The following DMKN variants were observed in gnomAD, a reference collection of about 807,000 sequenced individuals.
DMKN encodes the protein epidermis-specific secreted protein SK30/SK89.
DMKN carries 58 observed loss-of-function variants against 67.6 expected under a neutral mutation model. That is an observed-to-expected ratio of 0.86 (90% CI 0.69 to 1.07). DMKN has a LOEUF of 1.07. Among genes scored for constraint, DMKN ranks in the 50% least tolerant of loss-of-function variants. The pLI, the probability that DMKN is intolerant of heterozygous loss-of-function variation, is 0.00. For missense variants in DMKN, 596 were observed against 601.5 expected (o/e 0.99, Z 0.10); for synonymous variants, 240 against 232.3 (o/e 1.03, Z -0.30).
intron 12 of DMKN, 120 bp downstream of exon 12, chr19:35,500,413 C>T (rs2068156029): frequency 2.6e-6 from 4 of 1,552,150 alleles, no homozygotes; most frequent in Non-Finnish European, 3.5e-6. Context: ...TGCCATCCTG[C>T]ACCCGGCTGA....
Position 35,497,340 on chromosome 19 carries a change from T to A in DMKN, c.*199A>T, listed in dbSNP as rs945879139. The A allele has an allele frequency of 2.0e-4, 31 of 152,144 alleles. No homozygotes were observed. Among genetic ancestry groups the A allele is most frequent in the African/African-American group, 7.2e-4 (30 of 41,420 alleles). 9.4% of individuals were successfully genotyped at this position (152,144 alleles called of 1,614,324 possible). A position where few individuals can be genotyped will look rare whatever the true frequency, so the allele number is the denominator to read the frequency against. On this transcript the variant is annotated 3_prime_UTR_variant, in exon 16 of 16. Transcript: ENST00000339686. ...AAAGGGAGGAGGTACAGAAAGATGC[T>A]GGTGTATGTGACGAGGCTGGTGGCC...
chr19:35,498,732 C>T lies in DMKN; in HGVS notation c.1415G>A (p.Trp472Ter). The change falls in exon 15 of 16, where the codon TGG becomes TAG. Residue 472 changes from tryptophan to a stop codon, truncating the protein, a stop_gained. Coordinates refer to ENST00000339686, the MANE Select transcript of DMKN (RefSeq NM_033317.5). LOFTEE classifies it high-confidence loss of function. ...ASRVQPGLLQ[W>*]VKFW ...GACACTCACCTACCAAAACTTCACC[C>T]ACTGCAGCAGGCCAGGTTGCACCCG... The T allele has an allele frequency of 6.2e-7, 1 of 1,614,142 alleles. No individual in the cohort carries two copies. Among genetic ancestry groups the T allele is most frequent in the Non-Finnish European group, 8.5e-7 (1 of 1,180,028 alleles).
chr19:35,505,953 C>G lies in DMKN; in HGVS notation c.1072G>C (p.Asp358His). 6.2e-7 allele frequency: 1 copy of G among 1,614,070 alleles called. No homozygotes were observed. The change falls in exon 8 of 16, where the codon GAC becomes CAC. Residue 358 changes from aspartate (D) to histidine (H), a missense_variant. Coordinates refer to ENST00000339686, the MANE Select transcript of DMKN (RefSeq NM_033317.5). ...SETSPGMFNF[D>H]TFWKNFKSKL... ...GCAGAACTCACCTTCCAGAAAGTGT[C>G]AAAGTTAAACATCCCAGGAGACGTC...
chr19:35,512,243 GT>G (rs1044540633), intron 3 of DMKN, among the ~76,000 whole-genome samples, 177 bp downstream of exon 3: 5 of 151,826 alleles, frequency 3.3e-5, no homozygotes, highest in African/African-American at 1.2e-4. Flanking sequence ...GGTGATCCAC[GT>G]GCCTTGGCCT....
intron 9 of DMKN, among the ~76,000 whole-genome samples, chr19:35,503,690 G>T (rs1391333318): frequency 6.6e-6 from 1 of 152,062 alleles, no homozygotes; most frequent in Non-Finnish European, 1.5e-5. Context: ...TGGCCAGGCT[G>T]GTTTCAGACT....
At chr19:35,503,210 C>T in intron 9 of DMKN, 3 of 1,437,716 alleles carry the variant, frequency 2.1e-6, no homozygotes, top group Non-Finnish European at 2.7e-6. Flanking sequence ...CGGGCCTCCT[C>T]CAGCCCGTTT....
chr19:35,498,635 T>C lies in DMKN; in HGVS notation c.*81A>G, dbSNP rs2067843032. On this transcript the variant is annotated intron_variant, in intron 15 of 15. Coordinates refer to ENST00000339686, the MANE Select transcript of DMKN (RefSeq NM_033317.5). ...CGCTGCCCACTGAGATCTGAGGATATACCAAGATCCTGGCCCTGCCCCGGG... is the reference window on the plus strand; with the variant it reads ...CGCTGCCCACTGAGATCTGAGGATACACCAAGATCCTGGCCCTGCCCCGGG... The C allele has an allele frequency of 3.2e-6, 5 of 1,586,734 alleles. No homozygotes were observed. The Admixed American group carries it at 7.0e-5, about 22-fold the overall frequency.
At position 35,512,776 on chromosome 19, in the gene DMKN, G is replaced by A. The variant is rs145579735; in HGVS notation, c.441C>T (p.Gly147=). 24 of 1,613,410 alleles carry A rather than the reference G, an allele frequency of 1.5e-5. No homozygotes were observed. The highest frequency in any genetic ancestry group is 5.0e-5 in the Admixed American group (3 of 60,008). The part of the protein sequence containing the change: ...GHNGAWETSG[G]HGIFGSQGGL... The stretch of plus-strand genomic sequence containing the variant: ...CACCTTGAGAGCCAAAGATGCCATG[G>A]CCTCCAGAAGTTTCCTGCAAGAACA... The change falls in exon 2 of 16, where the codon GGC becomes GGT. Residue 147 remains glycine, a synonymous_variant. Transcript: ENST00000339686.
At chr19:35,512,930 G>T in intron 1 of DMKN, 120 bp downstream of exon 1, 2 of 1,521,906 alleles carry the variant, frequency 1.3e-6, no homozygotes, top group Admixed American at 1.9e-5. Flanking sequence ...GAACATAGAA[G>T]GAAGCTGCCC....
At chr19:35,498,600 G>T in intron 15 of DMKN, 116 bp downstream of exon 15, 2 of 1,420,660 alleles carry the variant, frequency 1.4e-6, no homozygotes, top group Non-Finnish European at 1.9e-6. Flanking sequence ...GAGCATACCT[G>T]ACTTCATGTC....
rs771527602 is a variant in DMKN, at chr19:35,513,505, G to A, written c.-30C>T. ...GCCCAGCCCCCTCTCTCTCCAGAGTGTCTTCCTCCCACCAGGGTCTCCTCC... is the reference window on the plus strand; with the variant it reads ...GCCCAGCCCCCTCTCTCTCCAGAGTATCTTCCTCCCACCAGGGTCTCCTCC... On this transcript the variant is annotated 5_prime_UTR_variant, in exon 1 of 16. Transcript: ENST00000339686. 1.3e-6 allele frequency: 2 copies of A among 1,573,160 alleles called. No homozygotes were observed. The highest frequency in any genetic ancestry group is 2.3e-5 in the South Asian group (2 of 87,196).
chr19:35,509,278 TA>T (rs571868344), intron 7 of DMKN, among the ~76,000 whole-genome samples: 19 of 138,142 alleles, frequency 1.4e-4, no homozygotes, highest in African/African-American at 5.0e-4. Context: ...AATTTTTTTT[TA>T]AAAAAACCAG....
chr19:35,498,380 T>G (rs573839402), intron 15 of DMKN: 19 of 308,692 alleles, frequency 6.2e-5, no homozygotes, highest in East Asian at 3.4e-4. Context: ...GTTTGTTTTG[T>G]TTTGTTCTTT....
At chr19:35,498,465 T>G in intron 15 of DMKN, 1 of 562,480 alleles carries the variant, frequency 1.8e-6, no homozygotes, top group South Asian at 2.2e-5. Context: ...CACCCCAGCC[T>G]CCCAAAGCAC....
At chr19:35,501,091 T>C (rs1479860483) in intron 11 of DMKN, among the ~76,000 whole-genome samples, 1 of 152,024 alleles carries the variant, frequency 6.6e-6, no homozygotes, top group Non-Finnish European at 1.5e-5. Context: ...TAAAGCAACT[T>C]AAGACACTGC....
Position 35,512,580 on chromosome 19 carries a change from G to T in DMKN, c.627+10C>A. 1 of 1,614,164 alleles carries T rather than the reference G, an allele frequency of 6.2e-7. No individual in the cohort carries two copies. Among genetic ancestry groups the T allele is most frequent in the Non-Finnish European group, 8.5e-7 (1 of 1,180,018 alleles). On this transcript the variant is annotated intron_variant, in intron 2 of 15. Coordinates refer to ENST00000339686, the MANE Select transcript of DMKN (RefSeq NM_033317.5). ...GAGGTGGCAGGTAGCAGGTCTGGGG[G>T]TGACTTTACCTGAGTGTTGGTCCCA...
intron 7 of DMKN, 112 bp downstream of exon 7, chr19:35,509,799 T>C (rs2070367888): frequency 3.9e-6 from 5 of 1,266,232 alleles, no homozygotes; most frequent in Non-Finnish European, 5.6e-6. Flanking sequence ...AAATAGTCAG[T>C]TCCCTGCAGA....
chr19:35,501,243 C>T (rs953358065), intron 11 of DMKN, among the ~76,000 whole-genome samples: 2 of 152,162 alleles, frequency 1.3e-5, no homozygotes, highest in African/African-American at 4.8e-5. Flanking sequence ...CAGTGAAGTC[C>T]TGACTCCAGC....
At chr19:35,509,289 G>C (rs964366751) in intron 7 of DMKN, among the ~76,000 whole-genome samples, 3 of 152,150 alleles carry the variant, frequency 2.0e-5, no homozygotes, top group East Asian at 1.9e-4. Context: ...AAAAAAACCA[G>C]TTTGTTCCCA....
Sources: gnomAD v4.1 joint callset for allele counts (sites outside exome capture counted in the v4.1 genomes callset) on GRCh38, gnomAD v4.1.1 for gene constraint, MANE v1.5 for transcripts, NCBI Gene and HGNC (gene_info 2026-07-23, HGNC 2026-07-21) for gene names.